Variants in MTRF1L observed in about 807,000 individuals in gnomAD.
MTRF1L encodes the protein peptide chain release factor 1-like, mitochondrial.
In MTRF1L, 29 loss-of-function variants were observed where a neutral mutation model predicts 40.0. The ratio of observed to expected loss-of-function variants is 0.73; its 90% CI spans 0.54 to 0.99. The LOEUF is 0.99. MTRF1L is among the 50% of genes least tolerant of loss of function. The pLI is 0.00. For missense variants in MTRF1L, 412 were observed against 464.5 expected (o/e 0.89, Z 1.04); for synonymous variants, 150 against 175.8 (o/e 0.85, Z 1.16).
In MTRF1L at chr6:152,994,481, C is replaced by A. The variant is rs757173098; in HGVS notation, c.687+32G>T. On this transcript the variant is annotated intron_variant, in intron 4 of 6. Coordinates refer to ENST00000367233, the MANE Select transcript of MTRF1L (RefSeq NM_019041.7). Reference sequence around the variant, plus strand: ...TGGGGACAAGGCACTGTGCTAGGCCCGGGATTCCAAGGAGAGGGGCTTATG... The same window carrying A: ...TGGGGACAAGGCACTGTGCTAGGCCAGGGATTCCAAGGAGAGGGGCTTATG... The A allele has an allele frequency of 3.2e-6, 5 of 1,577,106 alleles. No homozygotes were observed. The East Asian group carries it at 9.0e-5, about 28-fold the overall frequency.
At position 152,991,174 on chromosome 6, in the gene MTRF1L, TC is replaced by T; in HGVS notation, c.942+10del. On this transcript the variant is annotated intron_variant, in intron 6 of 6. Transcript: ENST00000367233. ...TATCCTTTAAAAGCATTTTTAAAATTCTTTTTTTACCTGAATTTTTCTAGCA... is the reference window on the plus strand; with the variant it reads ...TATCCTTTAAAAGCATTTTTAAAATTTTTTTTTACCTGAATTTTTCTAGCA... The T allele has an allele frequency of 3.5e-6, 4 of 1,137,366 alleles. No individual in the cohort carries two copies. Among genetic ancestry groups the T allele is most frequent in the South Asian group, 2.0e-5 (1 of 49,610 alleles). The allele number at this position is 1,137,366 out of a possible 1,614,324, so 70.5% of individuals were successfully genotyped here. A position where few individuals can be genotyped will look rare whatever the true frequency, so the allele number is the denominator to read the frequency against.
chr6:153,001,290 G>A (rs1003464859), intron 1 of MTRF1L, among the ~76,000 whole-genome samples: 3 of 152,034 alleles, frequency 2.0e-5, no homozygotes, highest in African/African-American at 7.3e-5. Flanking sequence ...CTTCTTCTCT[G>A]CCTGCTCCTC....
chr6:152,992,811 A>C (rs776768979), intron 5 of MTRF1L, 46 bp downstream of exon 5: 1 of 1,440,188 alleles, frequency 6.9e-7, no homozygotes, highest in Admixed American at 1.7e-5. Flanking sequence ...ATATTATTCC[A>C]AAATTGATTT....
In MTRF1L at chr6:152,989,940, G is replaced by A. The variant is rs367616411; in HGVS notation, c.1098C>T (p.Tyr366=). ...LDELVQSLKE[Y]ADYESLVEII... ...TTTCTACTAAAGATTCATAATCGGC[G>A]TATTCCTTCAATGACTGTACAAGTT... Residue 366 remains tyrosine (Y), a synonymous_variant, in exon 7 of 7, where the codon TAC becomes TAT. Coordinates refer to ENST00000367233, the MANE Select transcript of MTRF1L (RefSeq NM_019041.7). 1.5e-5 allele frequency: 25 copies of A among 1,613,316 alleles called. No homozygotes were observed. Among genetic ancestry groups the A allele is most frequent in the African/African-American group, 8.0e-5 (6 of 74,818 alleles).
chr6:153,001,207 T>G (rs1458456906), intron 1 of MTRF1L, among the ~76,000 whole-genome samples: 1 of 152,200 alleles, frequency 6.6e-6, no homozygotes, highest in African/African-American at 2.4e-5. Context: ...TTCTATTGGC[T>G]TCTACAGCTT....
Position 153,002,613 on chromosome 6 carries a change from G to A in MTRF1L, c.73C>T (p.Pro25Ser). 1.9e-6 allele frequency: 3 copies of A among 1,542,212 alleles called. No homozygotes were observed. The highest frequency in any genetic ancestry group is 2.6e-6 in the Non-Finnish European group (3 of 1,144,284). ...AGCGGCGGGCTACCGGAGCTCAGGG[G>A]CCGGCGGGCTGGGCCAACGGCCCGG... is the stretch of plus-strand genomic sequence containing the variant. Reference protein sequence around the residue: ...PRRAVGPARRPLSSGSPPLEE... With the variant: ...PRRAVGPARRSLSSGSPPLEE... The change falls in exon 1 of 7, where the codon CCC (proline) becomes TCC (serine). Residue 25 changes from proline to serine, a missense_variant. Transcript: ENST00000367233.
chr6:152,988,951 G>A lies in MTRF1L; in HGVS notation c.*944C>T, dbSNP rs1778414297. ...CCAAGTTTTGCTCACACCCTAGCAA[G>A]AGGCTTCTGGCTTACCAGTTGGGAG... On this transcript the variant is annotated 3_prime_UTR_variant, in exon 7 of 7. Transcript: ENST00000367233. The A allele has an allele frequency of 7.9e-6, 1 of 126,232 alleles. No individual in the cohort carries two copies. 7.8% of individuals were successfully genotyped at this position (126,232 alleles called of 1,614,324 possible).
Position 152,994,581 on chromosome 6 carries a change from T to C in MTRF1L, c.619A>G (p.Lys207Glu). 6.2e-7 allele frequency: 1 copy of C among 1,613,308 alleles called. No homozygotes were observed. Among genetic ancestry groups the C allele is most frequent in the Non-Finnish European group, 8.5e-7 (1 of 1,180,006 alleles). ...TGGACGCGGCCTTGCTTTTCTGTCT[T>C]TGGCACTCTTTGTACTCTGTGAACA... ...GGVHRVQRVPKTEKQGRVHTS... is the reference protein window; with the variant it reads ...GGVHRVQRVPETEKQGRVHTS... The change falls in exon 4 of 7, where the codon AAG becomes GAG. Residue 207 changes from lysine to glutamate, a missense_variant. By Grantham distance (56) the Lys-to-Glu change is moderately conservative (BLOSUM62 1). Transcript: ENST00000367233.
chr6:152,992,957 A>C lies in MTRF1L; in HGVS notation c.705T>G (p.Asn235Lys), dbSNP rs1252612693. Residue 235 changes from asparagine (N) to lysine (K), a missense_variant, in exon 5 of 7, where the codon AAT (asparagine) becomes AAG (lysine). Asn to Lys is a moderately conservative substitution (Grantham distance 94). Transcript: ENST00000367233. The part of the protein sequence containing the change: ...PQPTEINLVI[N>K]PKDLRIDTKR... Reference sequence around the variant, plus strand: ...TAGTGTCAATTCTCAAATCTTTCGGATTAATCACCAGATTAATCTATACAG... The same window carrying C: ...TAGTGTCAATTCTCAAATCTTTCGGCTTAATCACCAGATTAATCTATACAG... 6.2e-7 allele frequency: 1 copy of C among 1,613,456 alleles called. No individual in the cohort carries two copies. The highest frequency in any genetic ancestry group is 8.5e-7 in the Non-Finnish European group (1 of 1,179,902).
At chr6:152,995,457 C>T in intron 2 of MTRF1L, 138 bp from the exon 3 acceptor site, 1 of 678,414 alleles carries the variant, frequency 1.5e-6, no homozygotes, top group East Asian at 2.9e-5. Context: ...TACTGTTCAA[C>T]CACCTTGCCA....
intron 3 of MTRF1L, 107 bp downstream of exon 3, chr6:152,995,029 A>G (rs530640176): frequency 7.6e-6 from 8 of 1,046,242 alleles, no homozygotes; most frequent in African/African-American, 1.6e-5. Flanking sequence ...AATGATGAGC[A>G]TAAAACTACA....
At position 153,002,647 on chromosome 6, in the gene MTRF1L, G is replaced by C. The variant is rs551142108; in HGVS notation, c.39C>G (p.Leu13=). The change falls in exon 1 of 7, where the codon CTC becomes CTG. Residue 13 remains leucine (L), a synonymous_variant. Transcript: ENST00000367233. ...CTGGGCCAACGGCCCGGCGGGGCCAGAGCCACCGGGCAGCGCCCCACAGAA... is the reference window on the plus strand; with the variant it reads ...CTGGGCCAACGGCCCGGCGGGGCCACAGCCACCGGGCAGCGCCCCACAGAA... ...SRVLWGAARW[L]WPRRAVGPAR... 5.3e-6 allele frequency: 8 copies of C among 1,511,122 alleles called. No individual in the cohort carries two copies. The highest frequency in any genetic ancestry group is 4.9e-5 in the East Asian group (2 of 40,658). The allele number at this position is 1,511,122 out of a possible 1,614,324, so 93.6% of individuals were successfully genotyped here.
intron 4 of MTRF1L, 21 bp downstream of exon 4, chr6:152,994,492 G>T (rs1442497987): frequency 1.1e-5 from 18 of 1,587,814 alleles, no homozygotes; most frequent in Non-Finnish European, 1.4e-5. Flanking sequence ...GGGATTCCAA[G>T]GAGAGGGGCT....
intron 3 of MTRF1L, 139 bp from the exon 4 acceptor site, chr6:152,994,815 T>C: frequency 1.7e-5 from 18 of 1,057,046 alleles, no homozygotes; most frequent in Non-Finnish European, 2.2e-5. Context: ...CATATTAAAA[T>C]ATTCAATGTT....
intron 1 of MTRF1L, among the ~76,000 whole-genome samples, chr6:153,000,849 CTA>C (rs1778888774): frequency 7.0e-6 from 1 of 142,748 alleles, no homozygotes. Flanking sequence ...TTTTACCTTT[CTA>C]TGTCAGGTAC....
chr6:152,995,054 G>T, intron 3 of MTRF1L, 82 bp downstream of exon 3: 2 of 1,241,226 alleles, frequency 1.6e-6, no homozygotes, highest in Non-Finnish European at 1.1e-6. Flanking sequence ...CATCCTCACA[G>T]ATAAGTTCTA....
intron 4 of MTRF1L, among the ~76,000 whole-genome samples, chr6:152,993,490 C>T (rs1416594693): frequency 2.6e-5 from 4 of 152,140 alleles, no homozygotes; most frequent in Admixed American, 2.6e-4. Context: ...GATCTGAGGT[C>T]AAGGTAATGC....
chr6:152,994,634 G>T lies in MTRF1L; in HGVS notation c.566C>A (p.Ala189Asp). 3 of 1,614,042 alleles carry T rather than the reference G, an allele frequency of 1.9e-6. No individual in the cohort carries two copies. Among genetic ancestry groups the T allele is most frequent in the Non-Finnish European group, 2.5e-6 (3 of 1,179,998 alleles). Reference sequence around the variant, plus strand: ...TCCTTCAAATTTCATGTGCCTATAGGCTTCTGAACCCCCAATGCTGGCAGA... The same window carrying T: ...TCCTTCAAATTTCATGTGCCTATAGTCTTCTGAACCCCCAATGCTGGCAGA... ...HASASIGGSE[A>D]YRHMKFEGGV... The change falls in exon 4 of 7, where the codon GCC (alanine) becomes GAC (aspartate). Residue 189 changes from alanine to aspartate, a missense_variant. Ala to Asp is a moderately radical substitution (Grantham distance 126). Coordinates refer to ENST00000367233, the MANE Select transcript of MTRF1L (RefSeq NM_019041.7).
intron 1 of MTRF1L, among the ~76,000 whole-genome samples, chr6:153,002,025 C>T (rs544671812): frequency 1.3e-5 from 2 of 152,348 alleles, no homozygotes; most frequent in South Asian, 2.1e-4. Flanking sequence ...AGTACCTTTA[C>T]CCACGTATAG....
Sources: allele counts gnomAD v4.1 joint callset (sites outside exome capture counted in the v4.1 genomes callset), GRCh38; gene constraint gnomAD v4.1.1; transcripts MANE v1.5; gene names NCBI Gene and HGNC (gene_info 2026-07-23, HGNC 2026-07-21).